The following SEC23B variants were observed in gnomAD, a reference collection of about 807,000 sequenced individuals.
SEC23B encodes SEC23 homolog B, COPII component.
SEC23B carries 77 observed loss-of-function variants against 104.3 expected under a neutral mutation model. That is an observed-to-expected ratio of 0.74 (90% CI 0.61 to 0.89). The LOEUF is 0.89. Among genes scored for constraint, SEC23B ranks in the 40% least tolerant of loss-of-function variants. The probability of loss-of-function intolerance (pLI) is 0.00; values close to 1 mark genes in which losing one functional copy is unlikely to be tolerated. For missense variants in SEC23B, 885 were observed against 949.4 expected (o/e 0.93, Z 0.89); for synonymous variants, 338 against 332.5 (o/e 1.02, Z -0.18).
chr20:18,524,924 T>C lies in SEC23B; in HGVS notation c.604-11T>C, dbSNP rs924156756. 5.6e-6 allele frequency: 9 copies of C among 1,613,786 alleles called. No individual in the cohort carries two copies. Among genetic ancestry groups the C allele is most frequent in the Non-Finnish European group, 6.8e-6 (8 of 1,179,824 alleles). Reference sequence around the variant, plus strand: ...TTGGAAATGAATCTTTTTGGCTTTTTTTTTTTTAAGGATATGTTGGGCCTG... The same window carrying C: ...TTGGAAATGAATCTTTTTGGCTTTTCTTTTTTTAAGGATATGTTGGGCCTG... On this transcript the variant is annotated splice_polypyrimidine_tract_variant and intron_variant, in intron 5 of 19. Transcript: ENST00000650089.
intron 4 of SEC23B, among the ~76,000 whole-genome samples, chr20:18,518,870 A>G (rs1022486037): frequency 6.6e-6 from 1 of 152,150 alleles, no homozygotes; most frequent in Admixed American, 6.5e-5. Context: ...TTAAAGAGAC[A>G]TTAATGATGG....
chr20:18,535,770 A>C, intron 12 of SEC23B, 28 bp downstream of exon 12: 1 of 1,519,508 alleles, frequency 6.6e-7, no homozygotes, highest in Non-Finnish European at 9.1e-7. Context: ...ACATGTCTTC[A>C]TGTCTTAGTG....
At chr20:18,536,806 T>C (rs530396198) in intron 12 of SEC23B, among the ~76,000 whole-genome samples, 2 of 152,316 alleles carry the variant, frequency 1.3e-5, no homozygotes, top group Non-Finnish European at 2.9e-5. Context: ...ATTTTGTAAG[T>C]AATATATATT....
rs1186086563 is a variant in SEC23B at position 18,555,089 on chromosome 20, G to T, written c.2149-19G>T. The T allele has an allele frequency of 9.4e-6, 15 of 1,596,074 alleles. No individual in the cohort carries two copies. Among genetic ancestry groups the T allele is most frequent in the Admixed American group, 3.3e-5 (2 of 59,842 alleles). On this transcript the variant is annotated intron_variant, in intron 18 of 19. Coordinates refer to ENST00000650089, the MANE Select transcript of SEC23B (RefSeq NM_006363.6). ...CACTTTTTAATCTTTAAATCTTTTT[G>T]TTGTTGTTGTTGTTAAAGGCTCGAT...
At chr20:18,548,140 G>A (rs945078640) in intron 15 of SEC23B, among the ~76,000 whole-genome samples, 8 of 151,750 alleles carry the variant, frequency 5.3e-5, no homozygotes, top group African/African-American at 1.9e-4. Context: ...TAGTAGAGAC[G>A]GGGTTTCTCC....
intron 12 of SEC23B, among the ~76,000 whole-genome samples, chr20:18,535,984 AT>A (rs1320897884): frequency 1.3e-5 from 2 of 152,168 alleles, no homozygotes; most frequent in African/African-American, 2.4e-5. Flanking sequence ...AGTGTAATAG[AT>A]TTTACCAGTC....
intron 19 of SEC23B, among the ~76,000 whole-genome samples, chr20:18,557,745 C>CTTTTTT (rs11477198): frequency 1.3e-4 from 15 of 116,824 alleles, no homozygotes; most frequent in South Asian, 2.8e-4. Flanking sequence ...TTTTTCTTTT[C>CTTTTTT]TTTTTTTTTT....
chr20:18,509,273 A>G (rs2059960477), intron 1 of SEC23B, among the ~76,000 whole-genome samples: 1 of 152,210 alleles, frequency 6.6e-6, no homozygotes, highest in Admixed American at 6.5e-5. Context: ...GGCTTTATGT[A>G]GTAGAGTAAT....
chr20:18,558,276 T>C (rs1031721272), intron 19 of SEC23B, among the ~76,000 whole-genome samples: 1 of 152,206 alleles, frequency 6.6e-6, no homozygotes, highest in African/African-American at 2.4e-5. Context: ...TGTTTTCCCC[T>C]GTAGAGAAGG....
At chr20:18,543,324 T>C in intron 14 of SEC23B, 152 bp downstream of exon 14, 2 of 968,186 alleles carry the variant, frequency 2.1e-6, no homozygotes, top group Non-Finnish European at 3.2e-6. Flanking sequence ...GTTAAAGACG[T>C]GTTAAATGTG....
At chr20:18,516,754 C>A (rs1478989326) in intron 4 of SEC23B, among the ~76,000 whole-genome samples, 1 of 151,886 alleles carries the variant, frequency 6.6e-6, no homozygotes, top group African/African-American at 2.4e-5. Context: ...GGGGTTTCAC[C>A]ATGTTAGCCA....
At chr20:18,531,652 CAA>C (rs11482973) in intron 10 of SEC23B, among the ~76,000 whole-genome samples, 33 of 99,506 alleles carry the variant, frequency 3.3e-4, no homozygotes, top group African/African-American at 4.3e-4. Context: ...GAAACTGTCT[CAA>C]AAAAAAAAAA....
chr20:18,511,211 AGTG>A (rs1418802874), intron 2 of SEC23B, among the ~76,000 whole-genome samples, 155 bp downstream of exon 2: 2 of 152,204 alleles, frequency 1.3e-5, no homozygotes, highest in Non-Finnish European at 2.9e-5. Flanking sequence ...GTGAGTAGTA[AGTG>A]GTGAATATTT....
chr20:18,525,146 C>A, intron 6 of SEC23B, 126 bp downstream of exon 6: 1 of 949,872 alleles, frequency 1.1e-6, no homozygotes, highest in Non-Finnish European at 1.7e-6. Flanking sequence ...AATGATTAAG[C>A]CTAATCAATA....
chr20:18,526,092 C>G lies in SEC23B; in HGVS notation c.834+160C>G, dbSNP rs559504454. ...ATCATTATCATTCACGTTGAGGGAGCCCCTCAACATTTTGAAAATGCCAAA... is the reference window on the plus strand; with the variant it reads ...ATCATTATCATTCACGTTGAGGGAGGCCCTCAACATTTTGAAAATGCCAAA... On this transcript the variant is annotated intron_variant, in intron 7 of 19. Coordinates refer to ENST00000650089, the MANE Select transcript of SEC23B (RefSeq NM_006363.6). Among the ~76,000 whole-genome samples, 161 of 152,234 alleles carry G rather than the reference C, an allele frequency of 1.1e-3. 1 individual carries two copies. Among genetic ancestry groups the G allele is most frequent in the African/African-American group, 3.5e-3 (145 of 41,526 alleles).
chr20:18,516,994 A>G (rs2060035073), intron 4 of SEC23B, among the ~76,000 whole-genome samples: 1 of 152,232 alleles, frequency 6.6e-6, no homozygotes, highest in African/African-American at 2.4e-5. Flanking sequence ...CATCTTCACA[A>G]TATTAAGTCT....
intron 1 of SEC23B, chr20:18,509,521 A>G (rs901679953): frequency 6.6e-6 from 1 of 152,202 alleles, no homozygotes; most frequent in Non-Finnish European, 1.5e-5. Context: ...AACAGGATGT[A>G]TAAATACTCA....
chr20:18,509,962 G>C (rs927470479), intron 1 of SEC23B: 1 of 152,170 alleles, frequency 6.6e-6, no homozygotes. Flanking sequence ...CAGCATAATA[G>C]TAATTTTGGT....
chr20:18,526,332 G>A (rs1357080624), intron 7 of SEC23B, 41 bp from the exon 8 acceptor site: 3 of 1,607,360 alleles, frequency 1.9e-6, no homozygotes, highest in Non-Finnish European at 1.7e-6. Flanking sequence ...ACTAAAAGGT[G>A]AGGCTGTATA....
Sources: allele counts gnomAD v4.1 joint callset (sites outside exome capture counted in the v4.1 genomes callset), GRCh38; gene constraint gnomAD v4.1.1; transcripts MANE v1.5; gene names NCBI Gene and HGNC (gene_info 2026-07-23, HGNC 2026-07-21).